The following PTPRT variants were observed in gnomAD, a reference collection of about 807,000 sequenced individuals.
PTPRT encodes protein tyrosine phosphatase receptor type T.
In PTPRT, 56 loss-of-function variants were observed where a neutral mutation model predicts 176.8. The ratio of observed to expected loss-of-function variants is 0.32; its 90% CI spans 0.26 to 0.40. The LOEUF (loss-of-function observed/expected upper bound fraction) is 0.40. Among genes scored for constraint, PTPRT ranks in the 10% least tolerant of loss-of-function variants. PTPRT has a pLI of 1.00. For synonymous variants in PTPRT, 783 were observed against 739.0 expected (o/e 1.06, Z -0.96); for missense variants, 1,540 against 1,908.2 (o/e 0.81, Z 3.60).
intron 9 of PTPRT, among the ~76,000 whole-genome samples, chr20:42,393,540 C>T (rs1568841064): frequency 6.6e-6 from 1 of 152,170 alleles, no homozygotes; most frequent in Non-Finnish European, 1.5e-5. Flanking sequence ...CTTTCCCTCC[C>T]ATTTCAGACG....
chr20:42,273,830 G>A (rs1267634181), intron 13 of PTPRT, among the ~76,000 whole-genome samples: 1 of 152,222 alleles, frequency 6.6e-6, no homozygotes, highest in Non-Finnish European at 1.5e-5. Context: ...GTCATCTTGA[G>A]GATCAAATGG....
intron 27 of PTPRT, among the ~76,000 whole-genome samples, chr20:42,092,315 C>A (rs550178334): frequency 2.0e-5 from 3 of 152,230 alleles, no homozygotes; most frequent in Non-Finnish European, 4.4e-5. Flanking sequence ...CATGAGAAGA[C>A]AACCCCCTCA....
chr20:42,769,583 A>G (rs2077033552), intron 5 of PTPRT, among the ~76,000 whole-genome samples: 1 of 152,138 alleles, frequency 6.6e-6, no homozygotes, highest in African/African-American at 2.4e-5. Flanking sequence ...AGTTAAACAT[A>G]TATCTACCAG....
In PTPRT at chr20:42,210,990, C is replaced by T. The variant is rs961159054; in HGVS notation, c.2343-11602G>A. On this transcript the variant is annotated intron_variant, in intron 15 of 30. Coordinates refer to ENST00000373187, the MANE Select transcript of PTPRT (RefSeq NM_007050.6). ...AGAACAGAGCCCTCAGAAATAACGC[C>T]GCATATCTACAACTGTCTGATCTTT... 1.2e-4 allele frequency among the ~76,000 whole-genome samples: 18 copies of T among 151,968 alleles called. No homozygotes were observed. In the East Asian group the frequency reaches 1.5e-3, roughly 13 times the overall value.
At chr20:42,785,847 T>C (rs1222793476) in intron 3 of PTPRT, among the ~76,000 whole-genome samples, 1 of 152,122 alleles carries the variant, frequency 6.6e-6, no homozygotes, top group Admixed American at 6.5e-5. Context: ...CCTCCCTCCC[T>C]TCCTCCCTTC....
intron 7 of PTPRT, among the ~76,000 whole-genome samples, chr20:42,538,583 C>T (rs2072517940): frequency 6.6e-6 from 1 of 152,188 alleles, no homozygotes; most frequent in South Asian, 2.1e-4. Context: ...AAATATTACA[C>T]ATCAAGTCAC....
At chr20:42,220,353 A>C (rs2055858013) in intron 15 of PTPRT, among the ~76,000 whole-genome samples, 1 of 152,186 alleles carries the variant, frequency 6.6e-6, no homozygotes, top group Non-Finnish European at 1.5e-5. Flanking sequence ...GTCGAAACTC[A>C]GCAGGATATT....
chr20:42,103,301 C>A (rs993945881), intron 25 of PTPRT, among the ~76,000 whole-genome samples: 1 of 152,164 alleles, frequency 6.6e-6, no homozygotes, highest in African/African-American at 2.4e-5. Flanking sequence ...TAGGACAGTA[C>A]TTCTCAAAGT....
intron 2 of PTPRT, among the ~76,000 whole-genome samples, chr20:42,831,280 G>T (rs1270129195): frequency 6.6e-6 from 1 of 152,086 alleles, no homozygotes; most frequent in Non-Finnish European, 1.5e-5. Context: ...AATGGGGAAA[G>T]GACTCCCTGT....
intron 1 of PTPRT, among the ~76,000 whole-genome samples, chr20:42,917,791 C>A (rs138104906): frequency 1.3e-5 from 2 of 152,074 alleles, no homozygotes; most frequent in Non-Finnish European, 2.9e-5. Flanking sequence ...GAGGAATGAG[C>A]GAAAGTTGAG....
intron 7 of PTPRT, among the ~76,000 whole-genome samples, chr20:42,632,290 G>A (rs957492124): frequency 6.6e-6 from 1 of 152,156 alleles, no homozygotes; most frequent in African/African-American, 2.4e-5. Context: ...CCAGGCTGCA[G>A]TGCAGTGGTG....
At chr20:42,820,413 A>G (rs2077870939) in intron 2 of PTPRT, among the ~76,000 whole-genome samples, 1 of 152,166 alleles carries the variant, frequency 6.6e-6, no homozygotes, top group African/African-American at 2.4e-5. Context: ...GGACACAGCT[A>G]AAGCAGTGTT....
intron 13 of PTPRT, among the ~76,000 whole-genome samples, chr20:42,263,820 T>C (rs1445531244): frequency 6.6e-6 from 1 of 151,964 alleles, no homozygotes; most frequent in Non-Finnish European, 1.5e-5. Context: ...CCACCATACC[T>C]GGCCTGAATC....
intron 8 of PTPRT, among the ~76,000 whole-genome samples, chr20:42,449,270 T>C (rs530231008): frequency 3.3e-5 from 5 of 152,304 alleles, no homozygotes; most frequent in Admixed American, 3.3e-4. Flanking sequence ...GGTGAATGAA[T>C]GACCTACGCC....
intron 9 of PTPRT, among the ~76,000 whole-genome samples, chr20:42,392,932 G>A (rs2058814786): frequency 6.6e-6 from 1 of 152,216 alleles, no homozygotes; most frequent in South Asian, 2.1e-4. Context: ...CAGAAAAGAA[G>A]GCCCAAAGAA....
chr20:42,676,603 A>G (rs1730978581), intron 7 of PTPRT, among the ~76,000 whole-genome samples: 1 of 152,148 alleles, frequency 6.6e-6, no homozygotes, highest in African/African-American at 2.4e-5. Context: ...AAAAGCTGAG[A>G]GTCAGAAAAT....
intron 6 of PTPRT, among the ~76,000 whole-genome samples, chr20:42,708,501 G>A (rs1281723711): frequency 6.6e-6 from 1 of 152,082 alleles, no homozygotes; most frequent in Non-Finnish European, 1.5e-5. Context: ...GGCCCTCCTT[G>A]TGGCCATTCT....
At chr20:42,802,639 T>A (rs1214661203) in intron 2 of PTPRT, among the ~76,000 whole-genome samples, 2 of 152,240 alleles carry the variant, frequency 1.3e-5, no homozygotes, top group Non-Finnish European at 2.9e-5. Context: ...ATTTTTTTCT[T>A]CTAAGATTGG....
intron 1 of PTPRT, among the ~76,000 whole-genome samples, chr20:43,110,851 C>G (rs1314696079): frequency 6.6e-6 from 1 of 152,060 alleles, no homozygotes. Flanking sequence ...GTAGTTCTGC[C>G]TTCACATGCA....
Sources: allele counts gnomAD v4.1 joint callset (sites outside exome capture counted in the v4.1 genomes callset), GRCh38; gene constraint gnomAD v4.1.1; transcripts MANE v1.5; gene names NCBI Gene and HGNC (gene_info 2026-07-23, HGNC 2026-07-21).